AGFG1: variants seen among roughly 807,000 people sequenced by gnomAD.
AGFG1 encodes the protein ArfGAP with FG repeats 1.
Under a neutral mutation model 60.6 loss-of-function variants are expected in AGFG1, and 10 were observed. That is an observed-to-expected ratio of 0.16 (90% CI 0.10 to 0.28). AGFG1 has a LOEUF of 0.28. Ranked by LOEUF, AGFG1 falls within the 10% of genes least tolerant of loss-of-function variation. The pLI, the probability that AGFG1 is intolerant of heterozygous loss-of-function variation, is 1.00. For missense variants in AGFG1, 537 were observed against 676.5 expected, an observed-to-expected ratio of 0.79 and a Z score of 2.29; for synonymous variants, 247 against 242.9, an observed-to-expected ratio of 1.02 and a Z score of -0.16.
At chr2:227,472,648 G>T in intron 1 of AGFG1, 60 bp downstream of exon 1, 1 of 1,520,656 alleles carries the variant, frequency 6.6e-7, no homozygotes, top group Non-Finnish European at 8.8e-7. Flanking sequence ...GGAGCGGGCG[G>T]CGGGACCGGG....
chr2:227,511,469 G>T (rs1300684465), intron 2 of AGFG1, among the ~76,000 whole-genome samples: 3 of 152,050 alleles, frequency 2.0e-5, no homozygotes, highest in African/African-American at 7.2e-5. Flanking sequence ...AAGTGGGTGT[G>T]ACTGTGTTCT....
At chr2:227,497,344 T>A (rs965119170) in intron 2 of AGFG1, among the ~76,000 whole-genome samples, 4 of 152,200 alleles carry the variant, frequency 2.6e-5, no homozygotes, top group Non-Finnish European at 4.4e-5. Context: ...GTAATGACGT[T>A]ATTGCCAGCA....
intron 1 of AGFG1, among the ~76,000 whole-genome samples, chr2:227,481,184 T>C (rs1195409811): frequency 1.3e-5 from 2 of 148,380 alleles, no homozygotes; most frequent in East Asian, 4.0e-4. Context: ...ATCTTCTTTT[T>C]TGGGGAATAT....
In AGFG1 at chr2:227,523,722, C is replaced by T. The variant is rs750749204; in HGVS notation, c.378-41C>T. Reference sequence around the variant, plus strand: ...CTTATCATTTTTTGATATAGAATTACCTACATTTTTTTTTAGTTAACTGTT... The same window carrying T: ...CTTATCATTTTTTGATATAGAATTATCTACATTTTTTTTTAGTTAACTGTT... On this transcript the variant is annotated intron_variant, in intron 3 of 12. Transcript: ENST00000310078. 4.5e-6 allele frequency: 7 copies of T among 1,572,388 alleles called. No homozygotes were observed. The South Asian group carries it at 6.8e-5, about 15-fold the overall frequency.
chr2:227,474,700 T>C (rs1323267717), intron 1 of AGFG1, among the ~76,000 whole-genome samples: 4 of 152,220 alleles, frequency 2.6e-5, no homozygotes, highest in Non-Finnish European at 5.9e-5. Context: ...CCAGGAAATA[T>C]GTAAATGATA....
intron 4 of AGFG1, among the ~76,000 whole-genome samples, chr2:227,524,250 T>G (rs1227785558): frequency 6.6e-6 from 1 of 152,172 alleles, no homozygotes; most frequent in Non-Finnish European, 1.5e-5. Flanking sequence ...AACATGAATC[T>G]ATGGTGACCA....
intron 3 of AGFG1, among the ~76,000 whole-genome samples, chr2:227,523,074 C>T (rs148866287): frequency 1.6e-4 from 25 of 152,270 alleles, no homozygotes; most frequent in Admixed American, 1.0e-3. Flanking sequence ...CATCTGTATA[C>T]ACTTACCAAT....
intron 1 of AGFG1, among the ~76,000 whole-genome samples, chr2:227,485,346 C>G (rs1041609273): frequency 6.7e-6 from 1 of 149,758 alleles, no homozygotes; most frequent in Non-Finnish European, 1.5e-5. Context: ...AAGTGATTCT[C>G]CTGCCTAAGC....
At chr2:227,548,049 C>T (rs1022572282) in intron 10 of AGFG1, among the ~76,000 whole-genome samples, 1 of 152,174 alleles carries the variant, frequency 6.6e-6, no homozygotes, top group East Asian at 1.9e-4. Context: ...ATGGATGAAC[C>T]TTGAAAACAT....
intron 2 of AGFG1, among the ~76,000 whole-genome samples, chr2:227,506,017 C>T (rs1476619199): frequency 4.6e-5 from 7 of 152,212 alleles, no homozygotes; most frequent in Admixed American, 3.3e-4. Context: ...GCTGGGATTA[C>T]AGGCATGAGC....
chr2:227,536,757 T>C (rs1487010294), intron 9 of AGFG1, 53 bp downstream of exon 9: 7 of 1,588,566 alleles, frequency 4.4e-6, no homozygotes. Context: ...AAATATATAT[T>C]GTGTAGCATT....
chr2:227,526,536 CCT>C (rs1338143479), intron 5 of AGFG1, among the ~76,000 whole-genome samples: 15 of 139,534 alleles, frequency 1.1e-4, no homozygotes, highest in Non-Finnish European at 1.5e-5. Context: ...CTGTGCCCAG[CCT>C]CTTTTTTTTT....
At chr2:227,474,085 A>G (rs1031761387) in intron 1 of AGFG1, among the ~76,000 whole-genome samples, 3 of 152,198 alleles carry the variant, frequency 2.0e-5, no homozygotes, top group Admixed American at 6.5e-5. Flanking sequence ...GCCAGTTAAT[A>G]ATATTCTCGA....
In AGFG1 at chr2:227,472,571, C is replaced by T. The variant is rs1287299051; in HGVS notation, c.150C>T (p.Thr50=). The T allele has an allele frequency of 1.9e-6, 3 of 1,577,356 alleles. No individual in the cohort carries two copies. The highest frequency in any genetic ancestry group is 1.8e-5 in the Admixed American group (1 of 57,100). ...TGACGGTCGGCTCCTTCGTGTGTAC[C>T]TCCTGCTCCGGCAGCCTGTGAGTGC... ...VNMTVGSFVC[T]SCSGSLRGLN... The change falls in exon 1 of 13, where the codon ACC becomes ACT. Residue 50 remains threonine, a synonymous_variant. Coordinates refer to ENST00000310078, the MANE Select transcript of AGFG1 (RefSeq NM_004504.5).
intron 2 of AGFG1, among the ~76,000 whole-genome samples, chr2:227,505,558 T>C (rs1319819345): frequency 6.6e-6 from 1 of 152,154 alleles, no homozygotes; most frequent in Non-Finnish European, 1.5e-5. Context: ...TATCCTAAGC[T>C]CACTCTTCTG....
In AGFG1 at chr2:227,477,215, A is replaced by G. The variant is rs979717261; in HGVS notation, c.167+4627A>G. Reference sequence around the variant, plus strand: ...CTCGCCTGGCCTAGATACTTTTTCAATTGTGAAGGACAAATTTTTTATTTT... The same window carrying G: ...CTCGCCTGGCCTAGATACTTTTTCAGTTGTGAAGGACAAATTTTTTATTTT... On this transcript the variant is annotated intron_variant, in intron 1 of 12. Transcript: ENST00000310078. Among the ~76,000 whole-genome samples the G allele has an allele frequency of 3.9e-5, 6 of 152,112 alleles. No homozygotes were observed. In the South Asian group the frequency reaches 8.3e-4, roughly 21 times the overall value.
chr2:227,500,762 C>CT (rs1200756722), intron 2 of AGFG1, among the ~76,000 whole-genome samples: 1 of 151,870 alleles, frequency 6.6e-6, no homozygotes, highest in Non-Finnish European at 1.5e-5. Context: ...ATATATCTAT[C>CT]TTTTTTATTT....
At chr2:227,532,484 A>G (rs569187282) in intron 6 of AGFG1, among the ~76,000 whole-genome samples, 1 of 152,276 alleles carries the variant, frequency 6.6e-6, no homozygotes, top group South Asian at 2.1e-4. Context: ...ACAGGTCACA[A>G]TATTTTACAT....
Position 227,552,110 on chromosome 2 carries a change from G to A in AGFG1, c.1530G>A (p.Gln510=). ...AFPQQTAFSQ[Q]PNGAGFAAFG... ...CTCAACAGACAGCTTTTTCTCAACAGCCCAATGGTAAGATCTAACATTTGG... is the reference window on the plus strand; with the variant it reads ...CTCAACAGACAGCTTTTTCTCAACAACCCAATGGTAAGATCTAACATTTGG... The change falls in exon 11 of 13, where the codon CAG becomes CAA. Residue 510 remains glutamine (Q), a synonymous_variant. Transcript: ENST00000310078. 6.2e-7 allele frequency: 1 copy of A among 1,614,124 alleles called. No homozygotes were observed. The highest frequency in any genetic ancestry group is 8.5e-7 in the Non-Finnish European group (1 of 1,179,998).
Sources: gnomAD v4.1 joint callset for allele counts (sites outside exome capture counted in the v4.1 genomes callset) on GRCh38, gnomAD v4.1.1 for gene constraint, MANE v1.5 for transcripts, NCBI Gene and HGNC (gene_info 2026-07-23, HGNC 2026-07-21) for gene names.